RBFOX2: variants seen among roughly 807,000 people sequenced by gnomAD.
RBFOX2 encodes the protein RNA binding protein fox-1 homolog 2.
RBFOX2 carries 10 observed loss-of-function variants against 49.1 expected under a neutral mutation model. The observed-to-expected ratio is 0.20, with a 90% CI of 0.13 to 0.35. The LOEUF is 0.35. Ranked by LOEUF, RBFOX2 falls within the 10% of genes least tolerant of loss-of-function variation. The probability of loss-of-function intolerance (pLI) is 1.00; values close to 1 mark genes in which losing one functional copy is unlikely to be tolerated. For synonymous variants in RBFOX2, 183 were observed against 187.4 expected (o/e 0.98, Z 0.19); for missense variants, 323 against 486.9 (o/e 0.66, Z 3.17).
chr22:36,012,634 G>A (rs910837578), intron 1 of RBFOX2, among the ~76,000 whole-genome samples: 5 of 151,998 alleles, frequency 3.3e-5, no homozygotes, highest in Admixed American at 1.3e-4. Flanking sequence ...TGAGTATTAC[G>A]AGCAATTTTA....
intron 1 of RBFOX2, among the ~76,000 whole-genome samples, chr22:36,027,924 C>T (rs2059509271): frequency 6.6e-6 from 1 of 152,140 alleles, no homozygotes; most frequent in Non-Finnish European, 1.5e-5. Context: ...TTCCACTCCA[C>T]CCCAAGGCAC....
intron 1 of RBFOX2, among the ~76,000 whole-genome samples, chr22:35,824,990 C>T (rs1955336846): frequency 1.3e-5 from 2 of 152,150 alleles, no homozygotes; most frequent in South Asian, 2.1e-4. Context: ...GAGGCCGAGG[C>T]GGGTGGATCA....
At chr22:35,794,751 T>C (rs1048848434) in intron 2 of RBFOX2, among the ~76,000 whole-genome samples, 4 of 152,104 alleles carry the variant, frequency 2.6e-5, no homozygotes, top group Non-Finnish European at 5.9e-5. Flanking sequence ...TTATGAAAAA[T>C]GTAAACAGGT....
At chr22:35,748,668 C>A (rs982821990) in intron 9 of RBFOX2, 5 of 152,044 alleles carry the variant, frequency 3.3e-5, no homozygotes, top group African/African-American at 1.2e-4. Context: ...GGTAATTCAG[C>A]ATTTTACTCT....
intron 2 of RBFOX2, among the ~76,000 whole-genome samples, chr22:35,801,879 C>T (rs1432094668): frequency 6.6e-6 from 1 of 152,042 alleles, no homozygotes; most frequent in Non-Finnish European, 1.5e-5. Context: ...CATCTTTCAA[C>T]CAGAGCATCC....
intron 1 of RBFOX2, among the ~76,000 whole-genome samples, chr22:35,917,921 T>C (rs1180473617): frequency 6.6e-6 from 1 of 152,194 alleles, no homozygotes; most frequent in Non-Finnish European, 1.5e-5. Context: ...CCACTGAGAA[T>C]GAAGGCTCAA....
At chr22:35,745,891 T>A (rs777989367) in intron 11 of RBFOX2, 32 bp downstream of exon 13, 1 of 1,577,830 alleles carries the variant, frequency 6.3e-7, no homozygotes, top group African/African-American at 1.3e-5. Context: ...AATGAAATGG[T>A]TTTATAAAGC....
intron 1 of RBFOX2, among the ~76,000 whole-genome samples, chr22:35,933,093 T>G (rs1353412555): frequency 6.6e-6 from 1 of 152,166 alleles, no homozygotes; most frequent in African/African-American, 2.4e-5. Flanking sequence ...AGAGAGACAC[T>G]GACAGACAAA....
In RBFOX2 at chr22:35,888,367, C is replaced by T. The variant is rs536697723; in HGVS notation, c.-34+50480G>A. 4.7e-4 allele frequency among the ~76,000 whole-genome samples: 72 copies of T among 152,264 alleles called. 1 individual carries two copies. Among genetic ancestry groups the T allele is most frequent in the South Asian group, 3.5e-3 (17 of 4,830 alleles). ...TCTGAGAAATGCATCACTGAGCAAT[C>T]TGATTGTGTGAGAACATCAAGGTTC... is the stretch of plus-strand genomic sequence containing the variant. On this transcript the variant is annotated intron_variant, in intron 1 of 13. Coordinates refer to the RBFOX2 transcript ENST00000359369.
chr22:35,774,957 A>T (rs1256169867), intron 4 of RBFOX2, among the ~76,000 whole-genome samples: 1 of 152,210 alleles, frequency 6.6e-6, no homozygotes, highest in African/African-American at 2.4e-5. Flanking sequence ...CTCTAAAAAA[A>T]TTCAATAAAG....
At chr22:35,862,807 A>C (rs2149101035) in intron 1 of RBFOX2, among the ~76,000 whole-genome samples, 1 of 152,324 alleles carries the variant, frequency 6.6e-6, no homozygotes, top group East Asian at 1.9e-4. Flanking sequence ...TGGAAAAAGA[A>C]GATAATAATA....
At chr22:36,003,119 G>A (rs1406950159) in intron 1 of RBFOX2, among the ~76,000 whole-genome samples, 1 of 152,140 alleles carries the variant, frequency 6.6e-6, no homozygotes, top group East Asian at 1.9e-4. Flanking sequence ...TGGGCCTGCT[G>A]GTAACCCCTT....
At chr22:35,821,883 T>A (rs552521284) in intron 1 of RBFOX2, 1 of 518,914 alleles carries the variant, frequency 1.9e-6, no homozygotes, top group East Asian at 5.5e-5. Context: ...ATGGCAAACT[T>A]TGACCAAAAG....
At chr22:35,898,140 T>C in intron 1 of RBFOX2, 2 of 744,500 alleles carry the variant, frequency 2.7e-6, no homozygotes, top group South Asian at 1.4e-5. Context: ...TGATGTCACA[T>C]GTATCACACC....
At chr22:35,950,198 G>A (rs1356981581) in intron 1 of RBFOX2, among the ~76,000 whole-genome samples, 6 of 150,154 alleles carry the variant, frequency 4.0e-5, no homozygotes, top group African/African-American at 1.5e-4. Flanking sequence ...TGTTTTCTGA[G>A]GATTTAGAAT....
At chr22:35,970,705 G>A (rs2056823865) in intron 1 of RBFOX2, among the ~76,000 whole-genome samples, 1 of 152,118 alleles carries the variant, frequency 6.6e-6, no homozygotes, top group South Asian at 2.1e-4. Flanking sequence ...GTGCTTACGA[G>A]AGGACAAAAG....
chr22:35,847,194 C>G (rs915140632), intron 1 of RBFOX2, among the ~76,000 whole-genome samples: 1 of 152,060 alleles, frequency 6.6e-6, no homozygotes, highest in Middle Eastern at 3.2e-3. Flanking sequence ...CTAGGTTCTA[C>G]GAAAATTATA....
At chr22:35,855,033 C>T (rs2042353695) in intron 1 of RBFOX2, among the ~76,000 whole-genome samples, 1 of 152,122 alleles carries the variant, frequency 6.6e-6, no homozygotes, top group Admixed American at 6.5e-5. Flanking sequence ...AATAGCTCAA[C>T]ATCATTCTTT....
chr22:35,765,566 A>G, intron 5 of RBFOX2, 83 bp from the exon 7 acceptor site: 1 of 698,412 alleles, frequency 1.4e-6, no homozygotes. Flanking sequence ...ATAACAGAGT[A>G]TTTAGTTTAA....
Sources: allele counts gnomAD v4.1 joint callset (sites outside exome capture counted in the v4.1 genomes callset), GRCh38; gene constraint gnomAD v4.1.1; transcripts MANE v1.5; gene names NCBI Gene and HGNC (gene_info 2026-07-23, HGNC 2026-07-21).